The following CDH6 variants were observed in gnomAD, a reference collection of about 807,000 sequenced individuals.
CDH6 encodes cadherin-6.
In CDH6, 31 loss-of-function variants were observed where a neutral mutation model predicts 78.0. That is an observed-to-expected ratio of 0.40 (90% CI 0.30 to 0.54). The LOEUF (loss-of-function observed/expected upper bound fraction) is 0.54, where lower values mean the gene tolerates loss of function less well. Ranked by LOEUF, CDH6 falls within the 20% of genes least tolerant of loss-of-function variation. The pLI is 0.56. For missense variants in CDH6, 724 were observed against 975.9 expected (o/e 0.74, Z 3.44); for synonymous variants, 376 against 368.8 (o/e 1.02, Z -0.23).
chr5:31,288,095 G>C (rs923627386), intron 2 of CDH6, among the ~76,000 whole-genome samples: 2 of 152,112 alleles, frequency 1.3e-5, no homozygotes, highest in Non-Finnish European at 2.9e-5. Context: ...GTGGAAAAAA[G>C]AAAAAATAGG....
rs1741346869 is a variant in CDH6 at position 31,232,761 on chromosome 5, A to G, written c.-128-34585A>G. ...TACAATATCATCTATTCATTTGGAT[A>G]AAATGTTATCTGTTGAGGAAATTAT... On this transcript the variant is annotated intron_variant, in intron 1 of 11. Coordinates refer to ENST00000265071, the MANE Select transcript of CDH6 (RefSeq NM_004932.4). 2.6e-5 allele frequency among the ~76,000 whole-genome samples: 4 copies of G among 152,224 alleles called. No individual in the cohort carries two copies. The South Asian group carries it at 8.3e-4, about 31-fold the overall frequency.
intron 1 of CDH6, among the ~76,000 whole-genome samples, chr5:31,196,327 C>CA (rs34729191): frequency 0.026 from 3,903 of 152,194 alleles, 107 homozygotes; most frequent in South Asian, 0.059. Flanking sequence ...ATTATAGCAC[C>CA]AAATCTGAAA....
intron 1 of CDH6, among the ~76,000 whole-genome samples, chr5:31,245,170 C>G (rs1741710167): frequency 6.6e-6 from 1 of 152,170 alleles, no homozygotes; most frequent in Non-Finnish European, 1.5e-5. Flanking sequence ...GGTTTGACCA[C>G]TGCATGTATA....
At chr5:31,204,931 C>T (rs1027903381) in intron 1 of CDH6, among the ~76,000 whole-genome samples, 9 of 152,136 alleles carry the variant, frequency 5.9e-5, no homozygotes, top group Non-Finnish European at 1.2e-4. Flanking sequence ...GACAAGTGTT[C>T]CTAAGAATGA....
At chr5:31,291,129 A>G (rs1343971592) in intron 2 of CDH6, among the ~76,000 whole-genome samples, 2 of 152,300 alleles carry the variant, frequency 1.3e-5, no homozygotes, top group African/African-American at 2.4e-5. Context: ...AGTGGAGGAG[A>G]GTGTATAATC....
intron 1 of CDH6, chr5:31,251,860 T>C (rs1238803065): frequency 2.0e-5 from 3 of 152,236 alleles, no homozygotes; most frequent in African/African-American, 7.2e-5. Context: ...TAAATAAATC[T>C]GAAGTAAGAT....
chr5:31,197,117 G>A (rs1740189775), intron 1 of CDH6, among the ~76,000 whole-genome samples: 1 of 152,090 alleles, frequency 6.6e-6, no homozygotes, highest in African/African-American at 2.4e-5. Flanking sequence ...ACATCCAAAA[G>A]CTGTTTAGAT....
chr5:31,307,221 A>T (rs1738015727), intron 7 of CDH6, among the ~76,000 whole-genome samples: 1 of 152,206 alleles, frequency 6.6e-6, no homozygotes, highest in Non-Finnish European at 1.5e-5. Context: ...TATAAGAGTT[A>T]ACTAATCTAA....
intron 4 of CDH6, among the ~76,000 whole-genome samples, chr5:31,297,833 G>A (rs1000484806): frequency 6.6e-5 from 10 of 151,984 alleles, no homozygotes; most frequent in African/African-American, 2.4e-4. Context: ...GATACAAGTC[G>A]CTTCTAATTA....
intron 1 of CDH6, among the ~76,000 whole-genome samples, chr5:31,244,259 G>A (rs1741685327): frequency 6.6e-6 from 1 of 152,174 alleles, no homozygotes; most frequent in Non-Finnish European, 1.5e-5. Context: ...ATCCTGTGCA[G>A]AACTTACAGC....
chr5:31,265,020 C>G (rs553337560), intron 1 of CDH6, among the ~76,000 whole-genome samples: 2 of 152,342 alleles, frequency 1.3e-5, no homozygotes, highest in South Asian at 4.1e-4. Flanking sequence ...CTCTGCATCC[C>G]TCTTTCCTGC....
intron 1 of CDH6, among the ~76,000 whole-genome samples, chr5:31,215,483 C>T (rs1310435766): frequency 6.6e-6 from 1 of 152,088 alleles, no homozygotes; most frequent in Non-Finnish European, 1.5e-5. Context: ...AAAAATATAA[C>T]TCTGATAAAG....
intron 6 of CDH6, among the ~76,000 whole-genome samples, chr5:31,302,951 G>GAA (rs1250028341): frequency 1.5e-5 from 2 of 130,258 alleles, no homozygotes; most frequent in South Asian, 2.6e-4. Context: ...AAGAAAGAAA[G>GAA]AAAGAAGGAA....
intron 6 of CDH6, among the ~76,000 whole-genome samples, chr5:31,303,669 T>C (rs536981379): frequency 2.0e-5 from 3 of 152,364 alleles, no homozygotes; most frequent in Admixed American, 6.5e-5. Flanking sequence ...ACTTTTATCA[T>C]GTATGGTGTA....
At chr5:31,320,242 T>C (rs1326538906) in intron 11 of CDH6, among the ~76,000 whole-genome samples, 1 of 152,234 alleles carries the variant, frequency 6.6e-6, no homozygotes, top group Non-Finnish European at 1.5e-5. Flanking sequence ...CCTGTTCAGA[T>C]GTGCATTGGG....
chr5:31,204,013 A>T (rs906369444), intron 1 of CDH6, among the ~76,000 whole-genome samples: 2 of 152,226 alleles, frequency 1.3e-5, no homozygotes, highest in Non-Finnish European at 1.5e-5. Flanking sequence ...GGTGGTCCCA[A>T]ACCTCCAGAT....
At chr5:31,227,352 C>T (rs1727277613) in intron 1 of CDH6, among the ~76,000 whole-genome samples, 1 of 152,144 alleles carries the variant, frequency 6.6e-6, no homozygotes, top group African/African-American at 2.4e-5. Context: ...TCATTATGTA[C>T]CCTTTCAACT....
intron 1 of CDH6, among the ~76,000 whole-genome samples, chr5:31,257,728 C>T (rs909405847): frequency 5.3e-5 from 8 of 152,124 alleles, no homozygotes; most frequent in African/African-American, 1.9e-4. Context: ...GCTACCCCCT[C>T]CCACTAATGT....
At chr5:31,216,016 C>T (rs890959471) in intron 1 of CDH6, among the ~76,000 whole-genome samples, 2 of 152,038 alleles carry the variant, frequency 1.3e-5, no homozygotes, top group Admixed American at 6.6e-5. Flanking sequence ...TGCCCTCCTA[C>T]AGCAAAAGTA....
Sources: allele counts gnomAD v4.1 joint callset (sites outside exome capture counted in the v4.1 genomes callset), GRCh38; gene constraint gnomAD v4.1.1; transcripts MANE v1.5; gene names NCBI Gene and HGNC (gene_info 2026-07-23, HGNC 2026-07-21).